The following PAM variants were observed in gnomAD, a reference collection of about 807,000 sequenced individuals.
PAM encodes the protein peptidyl-glycine alpha-amidating monooxygenase.
In PAM, 72 loss-of-function variants were observed where a neutral mutation model predicts 122.1. The observed-to-expected ratio is 0.59, with a 90% confidence interval of 0.49 to 0.72. The LOEUF is 0.72. Ranked by LOEUF, PAM falls within the 30% of genes least tolerant of loss-of-function variation. The probability of loss-of-function intolerance (pLI) is 0.00; values close to 1 mark genes in which losing one functional copy is unlikely to be tolerated. For synonymous variants in PAM, 389 were observed against 404.4 expected (o/e 0.96, Z 0.46); for missense variants, 1,106 against 1,183.7 (o/e 0.93, Z 0.96).
At chr5:102,841,837 A>G (rs1351698243) in intron 1 of PAM, among the ~76,000 whole-genome samples, 1 of 152,228 alleles carries the variant, frequency 6.6e-6, no homozygotes, top group African/African-American at 2.4e-5. Flanking sequence ...TCAGATGTCA[A>G]GAAGTACTTA....
chr5:102,959,851 G>T (rs781328421), intron 12 of PAM, 24 bp from the exon 13 acceptor site: 10 of 1,563,576 alleles, frequency 6.4e-6, no homozygotes, highest in Non-Finnish European at 8.8e-6. Context: ...TAGTTGATTT[G>T]TTATATCTTT....
intron 1 of PAM, among the ~76,000 whole-genome samples, chr5:102,854,958 C>T (rs996964553): frequency 6.6e-6 from 1 of 152,214 alleles, no homozygotes; most frequent in Non-Finnish European, 1.5e-5. Flanking sequence ...TAAGCTACTT[C>T]AGTACATTGT....
chr5:102,766,325 G>T (rs961363048), intron 1 of PAM, among the ~76,000 whole-genome samples: 2 of 152,136 alleles, frequency 1.3e-5, no homozygotes, highest in South Asian at 4.1e-4. Flanking sequence ...CCTGCATCTT[G>T]ACTGTCCCAT....
chr5:102,834,279 AAC>A (rs1238053944), intron 1 of PAM, among the ~76,000 whole-genome samples: 2 of 152,172 alleles, frequency 1.3e-5, no homozygotes, highest in Non-Finnish European at 2.9e-5. Flanking sequence ...TACAGAACTC[AAC>A]AGAGTTTATA....
intron 22 of PAM, among the ~76,000 whole-genome samples, chr5:103,019,143 G>C (rs991452804): frequency 5.9e-5 from 9 of 152,116 alleles, no homozygotes; most frequent in East Asian, 1.9e-4. Flanking sequence ...TTACCTACGG[G>C]GGGGGACTGT....
intron 15 of PAM, among the ~76,000 whole-genome samples, chr5:102,979,723 A>G (rs993189163): frequency 3.9e-5 from 6 of 152,126 alleles, no homozygotes; most frequent in African/African-American, 1.4e-4. Flanking sequence ...CACTAATATT[A>G]ATCTCTTTCT....
intron 1 of PAM, among the ~76,000 whole-genome samples, chr5:102,828,753 G>A (rs1774423645): frequency 6.6e-6 from 1 of 152,164 alleles, no homozygotes; most frequent in South Asian, 2.1e-4. Context: ...AGCTAATGTA[G>A]CTGTGGCCTT....
chr5:102,866,501 G>C, intron 2 of PAM: 1 of 555,778 alleles, frequency 1.8e-6, no homozygotes, highest in Non-Finnish European at 3.2e-6. Context: ...ATTAGAAGTT[G>C]TGATTTCCAA....
chr5:102,831,769 T>A (rs1033357002), intron 1 of PAM, among the ~76,000 whole-genome samples: 4 of 152,100 alleles, frequency 2.6e-5, no homozygotes, highest in African/African-American at 4.8e-5. Context: ...AGAAAAAAAT[T>A]TACTACTATG....
chr5:102,771,710 C>A (rs995620363), intron 1 of PAM, among the ~76,000 whole-genome samples: 1 of 152,030 alleles, frequency 6.6e-6, no homozygotes, highest in African/African-American at 2.4e-5. Context: ...AATTTTGAAG[C>A]CTTTCAAAAA....
At chr5:102,905,841 T>G (rs905209370) in intron 4 of PAM, among the ~76,000 whole-genome samples, 3 of 151,710 alleles carry the variant, frequency 2.0e-5, no homozygotes, top group Non-Finnish European at 4.4e-5. Flanking sequence ...TAATGAGTAG[T>G]CTCTGTCTCA....
At chr5:102,885,921 A>T (rs1484452526) in intron 3 of PAM, among the ~76,000 whole-genome samples, 5 of 152,010 alleles carry the variant, frequency 3.3e-5, no homozygotes, top group African/African-American at 9.7e-5. Flanking sequence ...AGCAAACAAA[A>T]GCCAAATCTA....
rs1561748160 is a variant in PAM at position 102,882,110 on chromosome 5, T to TATATATATATACAC, written c.210+14718_210+14719insTATATATATACACA. Among the ~76,000 whole-genome samples the TATATATATATACAC allele has an allele frequency of 1.9e-5, 2 of 103,792 alleles. 1 individual carries two copies. The highest frequency in any genetic ancestry group is 7.9e-5 in the African/African-American group (2 of 25,450). 68.1% of individuals were successfully genotyped at this position (103,792 alleles called of 152,430 possible). ...ATATATATATATATATATATATATA[T>TATATATATATACAC]ACACCACATTTTCTTTATCCACTCA... On this transcript the variant is annotated intron_variant, in intron 3 of 25. Transcript: ENST00000438793.
At chr5:102,855,520 A>G (rs1409628622) in intron 1 of PAM, among the ~76,000 whole-genome samples, 1 of 152,228 alleles carries the variant, frequency 6.6e-6, no homozygotes, top group Non-Finnish European at 1.5e-5. Flanking sequence ...TGTTGTTTTT[A>G]AGTGAAAATC....
At chr5:102,914,850 G>C (rs1802616055) in intron 5 of PAM, among the ~76,000 whole-genome samples, 1 of 152,036 alleles carries the variant, frequency 6.6e-6, no homozygotes, top group Non-Finnish European at 1.5e-5. Flanking sequence ...AATTCAATTA[G>C]ATATTATTAG....
In PAM at chr5:102,771,321, T is replaced by C. The variant is rs536667134; in HGVS notation, c.-374+15973T>C. ...CATTGCTAAACATTCTATAGTTCTG[T>C]TATAGTAATCATTTTGGTTGTCTTT... On this transcript the variant is annotated intron_variant, in intron 1 of 25. Coordinates refer to ENST00000438793, the MANE Select transcript of PAM (RefSeq NM_001177306.2). 5.9e-5 allele frequency among the ~76,000 whole-genome samples: 9 copies of C among 152,250 alleles called. No homozygotes were observed. In the South Asian group the frequency reaches 8.3e-4, roughly 14 times the overall value.
intron 22 of PAM, among the ~76,000 whole-genome samples, chr5:103,019,022 C>A (rs988190333): frequency 1.9e-4 from 29 of 152,150 alleles, no homozygotes; most frequent in Admixed American, 1.6e-3. Flanking sequence ...ACTCACCTGC[C>A]ACTCACCTCC....
chr5:102,863,410 C>A (rs1784681422), intron 1 of PAM, among the ~76,000 whole-genome samples: 1 of 152,124 alleles, frequency 6.6e-6, no homozygotes. Context: ...ACTGCTTTTA[C>A]TCTTCTTTTT....
intron 10 of PAM, 87 bp downstream of exon 10, chr5:102,949,704 A>T: frequency 1.3e-6 from 1 of 785,210 alleles, no homozygotes; most frequent in South Asian, 1.5e-5. Context: ...TTTGACCTTA[A>T]GTCTGTTTCA....
Sources: allele counts gnomAD v4.1 joint callset (sites outside exome capture counted in the v4.1 genomes callset), GRCh38; gene constraint gnomAD v4.1.1; transcripts MANE v1.5; gene names NCBI Gene and HGNC (gene_info 2026-07-23, HGNC 2026-07-21).